Variants in COL4A4 observed in about 807,000 individuals in gnomAD.
COL4A4 encodes the protein collagen type IV alpha 4 chain, also known as collagen alpha-4(IV) chain.
Under a neutral mutation model 192.9 loss-of-function variants are expected in COL4A4, and 105 were observed. The ratio of observed to expected loss-of-function variants is 0.54; its 90% CI spans 0.46 to 0.64. COL4A4 has a LOEUF of 0.64. Among genes scored for constraint, COL4A4 ranks in the 30% least tolerant of loss-of-function variants. The pLI is 0.00. For synonymous variants in COL4A4, 762 were observed against 769.9 expected (o/e 0.99, Z 0.17); for missense variants, 1,967 against 2,169.3 (o/e 0.91, Z 1.85).
At chr2:227,042,580 C>G (rs1420404893) in intron 36 of COL4A4, among the ~76,000 whole-genome samples, 1 of 152,036 alleles carries the variant, frequency 6.6e-6, no homozygotes, top group Non-Finnish European at 1.5e-5. Context: ...AACAAACAAA[C>G]AAAACAGCAT....
In COL4A4 at chr2:227,088,671, T is replaced by C. The variant is rs751190779; in HGVS notation, c.1605A>G (p.Glu535=). ...TKGDPGPPGA[E]GPPGLPGKHG... ...TACTCACTGGTAGCCCTGGAGGTCC[T>C]TCAGCACCAGGAGGTCCTGGGTCAC... The change falls in exon 22 of 48, where the codon GAA becomes GAG. Residue 535 remains glutamate, a synonymous_variant. Transcript: ENST00000396625. The C allele has an allele frequency of 1.9e-6, 3 of 1,614,060 alleles. No homozygotes were observed. The African/African-American group carries it at 4.0e-5, about 22-fold the overall frequency.
chr2:227,132,149 T>C (rs73993638), intron 4 of COL4A4, among the ~76,000 whole-genome samples: 2,391 of 152,284 alleles, frequency 0.016, 58 homozygotes, highest in African/African-American at 0.055. Flanking sequence ...CCCTGTGCCC[T>C]GACCCCGATA....
At chr2:226,972,943 A>AAAC in the COL4A4 span, among the ~76,000 whole-genome samples, 22 of 150,474 alleles carry the variant, frequency 1.5e-4, no homozygotes, top group African/African-American at 5.2e-4. Flanking sequence ...AAAAAAAAAA[A>AAAC]AACAAAAAAC....
At chr2:227,163,455 C>G (rs1038510951) in intron 1 of COL4A4, among the ~76,000 whole-genome samples, 5 of 152,228 alleles carry the variant, frequency 3.3e-5, no homozygotes, top group African/African-American at 1.2e-4. Context: ...TAATTGCATT[C>G]CAATAAAACT....
chr2:227,033,537 C>G lies in COL4A4; in HGVS notation c.3506-56G>C, dbSNP rs1354468440. On this transcript the variant is annotated intron_variant, in intron 37 of 47. Coordinates refer to ENST00000396625, the MANE Select transcript of COL4A4 (RefSeq NM_000092.5). ...GGAAGACCAGCCACCGGTACTCACT[C>G]TAGCCACAAACGCAGGCACTGCCCA... 4.0e-6 allele frequency: 6 copies of G among 1,503,430 alleles called. No homozygotes were observed. In the African/African-American group the frequency reaches 4.1e-5, roughly 10 times the overall value. The allele number at this position is 1,503,430 out of a possible 1,614,324, so 93.1% of individuals were successfully genotyped here.
intron 12 of COL4A4, among the ~76,000 whole-genome samples, chr2:227,106,764 C>A (rs904595086): frequency 6.6e-6 from 1 of 152,154 alleles, no homozygotes; most frequent in African/African-American, 2.4e-5. Flanking sequence ...CGGGGTTTCG[C>A]CATGTTCGCC....
intron 6 of COL4A4, among the ~76,000 whole-genome samples, chr2:227,119,497 T>C (rs959019592): frequency 1.3e-5 from 2 of 148,626 alleles, no homozygotes; most frequent in Non-Finnish European, 3.0e-5. Context: ...TAGCTATATA[T>C]CGTATATACT....
At chr2:227,082,600 T>C (rs1337237331) in intron 22 of COL4A4, among the ~76,000 whole-genome samples, 2 of 152,228 alleles carry the variant, frequency 1.3e-5, no homozygotes, top group East Asian at 1.9e-4. Context: ...AACTAATTTT[T>C]GTAATTATCA....
rs1310995837 is a variant in COL4A4, at chr2:227,147,464, A to T, written c.20T>A (p.Val7Glu). 6.2e-7 allele frequency: 1 copy of T among 1,613,830 alleles called. No individual in the cohort carries two copies. The highest frequency in any genetic ancestry group is 1.7e-5 in the Admixed American group (1 of 59,998). The change falls in exon 2 of 48, where the codon GTA (valine) becomes GAA (glutamate). Residue 7 changes from valine (V) to glutamate (E), a missense_variant. Physicochemically the swap from Val to Glu is moderately radical, Grantham distance 121. Coordinates refer to ENST00000396625, the MANE Select transcript of COL4A4 (RefSeq NM_000092.5). Reference protein sequence around the residue: MWSLHIVLMRCSFRLTK... With the variant: MWSLHIELMRCSFRLTK... ...CAATCTGAAGGAGCACCTCATTAGT[A>T]CTATGTGCAGAGACCACATCGCAGG...
At chr2:227,072,536 C>A (rs1055290327) in intron 25 of COL4A4, among the ~76,000 whole-genome samples, 2 of 151,814 alleles carry the variant, frequency 1.3e-5, no homozygotes, top group African/African-American at 4.8e-5. Context: ...AAGAAGGCAT[C>A]CTCCCTAAAT....
At chr2:227,068,742 A>T (rs1432390168) in intron 25 of COL4A4, among the ~76,000 whole-genome samples, 1 of 150,458 alleles carries the variant, frequency 6.6e-6, no homozygotes, top group East Asian at 2.0e-4. Context: ...TATCTATGAC[A>T]AACCCACAGC....
intron 2 of COL4A4, among the ~76,000 whole-genome samples, chr2:227,146,283 CTT>C (rs11331158): frequency 6.2e-4 from 92 of 147,756 alleles, no homozygotes; most frequent in African/African-American, 1.2e-3. Context: ...AAGATCATTC[CTT>C]TTTTTTTTTT....
At position 227,027,905 on chromosome 2, in the gene COL4A4, G is replaced by A. The variant is rs1967313246; in HGVS notation, c.4078C>T (p.Pro1360Ser). Residue 1360 changes from proline to serine, a missense_variant, in exon 42 of 48, where the codon CCG becomes TCG. By Grantham distance (74) the Pro-to-Ser change is moderately conservative. Coordinates refer to ENST00000396625, the MANE Select transcript of COL4A4 (RefSeq NM_000092.5). ...PPGRKGPTGL[P>S]GPRGEPGPPA... is the part of the protein sequence containing the mutation. ...TGTATGTAGGTTGGAAGCTCACCCG[G>A]AAGACCAGTGGGCCCTTTTCTCCCT... The A allele has an allele frequency of 1.2e-6, 2 of 1,609,718 alleles. No individual in the cohort carries two copies. The highest frequency in any genetic ancestry group is 1.7e-5 in the Admixed American group (1 of 60,002).
At chr2:227,140,877 A>T (rs1467981502) in intron 3 of COL4A4, among the ~76,000 whole-genome samples, 126 of 5,970 alleles carry the variant, frequency 0.021, 1 homozygote, top group African/African-American at 0.1. Flanking sequence ...TTAGAGCATC[A>T]CACACACACA....
chr2:227,107,275 T>C (rs2150851819), intron 12 of COL4A4, among the ~76,000 whole-genome samples: 1 of 152,272 alleles, frequency 6.6e-6, no homozygotes, highest in South Asian at 2.1e-4. Context: ...AGGGACGGGA[T>C]GCTACTGACA....
intron 9 of COL4A4, among the ~76,000 whole-genome samples, chr2:227,111,431 G>A (rs1173869977): frequency 6.6e-6 from 1 of 152,082 alleles, no homozygotes; most frequent in East Asian, 1.9e-4. Flanking sequence ...AAGGCAGGAG[G>A]GAGCTTGATG....
intron 44 of COL4A4, among the ~76,000 whole-genome samples, chr2:227,015,228 C>A (rs1375180301): frequency 6.6e-6 from 1 of 152,092 alleles, no homozygotes; most frequent in Non-Finnish European, 1.5e-5. Flanking sequence ...TGTTCTTATC[C>A]ATTACACTAT....
the COL4A4 span, among the ~76,000 whole-genome samples, chr2:226,991,274 G>A: frequency 6.6e-6 from 1 of 152,184 alleles, no homozygotes; most frequent in Non-Finnish European, 1.5e-5. Flanking sequence ...TCTGCTTCCT[G>A]GGTTCAAGCC....
At chr2:227,141,092 T>C (rs1157733368) in intron 3 of COL4A4, among the ~76,000 whole-genome samples, 1 of 152,200 alleles carries the variant, frequency 6.6e-6, no homozygotes, top group Non-Finnish European at 1.5e-5. Context: ...TGAGCGTGCA[T>C]TCCCAGGCTG....
Sources: gnomAD v4.1 joint callset for allele counts (sites outside exome capture counted in the v4.1 genomes callset) on GRCh38, gnomAD v4.1.1 for gene constraint, MANE v1.5 for transcripts, NCBI Gene and HGNC (gene_info 2026-07-23, HGNC 2026-07-21) for gene names.